The following MYO16 variants were observed in gnomAD, a reference collection of about 807,000 sequenced individuals.
MYO16 encodes the protein myosin XVI.
In MYO16, 94 loss-of-function variants were observed where a neutral mutation model predicts 205.3. The observed-to-expected ratio is 0.46, with a 90% CI of 0.39 to 0.54. The LOEUF is 0.54. Among genes scored for constraint, MYO16 ranks in the 20% least tolerant of loss-of-function variants. The probability of loss-of-function intolerance (pLI) is 0.00; values close to 1 mark genes in which losing one functional copy is unlikely to be tolerated. For synonymous variants in MYO16, 988 were observed against 954.0 expected, an observed-to-expected ratio of 1.04 and a Z score of -0.66; for missense variants, 2,315 against 2,387.5, an observed-to-expected ratio of 0.97 and a Z score of 0.63.
the MYO16 span, among the ~76,000 whole-genome samples, chr13:108,555,516 A>G: frequency 6.6e-6 from 1 of 152,222 alleles, no homozygotes; most frequent in Non-Finnish European, 1.5e-5. Context: ...AAAGCACAAG[A>G]AAAATATGCA....
chr13:108,984,427 G>A (rs961893494), intron 20 of MYO16, among the ~76,000 whole-genome samples: 4 of 152,162 alleles, frequency 2.6e-5, no homozygotes, highest in South Asian at 2.1e-4. Context: ...TACATTTGCC[G>A]TGGCTTTCTC....
chr13:108,838,349 C>G (rs1877036681), intron 9 of MYO16, among the ~76,000 whole-genome samples: 1 of 151,790 alleles, frequency 6.6e-6, no homozygotes, highest in East Asian at 1.9e-4. Context: ...ATAGTTCACT[C>G]AAATTATAAA....
At chr13:108,963,496 A>G (rs1377433091) in intron 19 of MYO16, among the ~76,000 whole-genome samples, 2 of 152,054 alleles carry the variant, frequency 1.3e-5, no homozygotes, top group Non-Finnish European at 1.5e-5. Context: ...TGAATTTATC[A>G]TTCTTTCCCT....
At chr13:108,886,708 C>G (rs1377191683) in intron 13 of MYO16, among the ~76,000 whole-genome samples, 1 of 151,950 alleles carries the variant, frequency 6.6e-6, no homozygotes, top group African/African-American at 2.4e-5. Context: ...TTAGGCAAAG[C>G]CCCCTGTGCA....
At chr13:108,990,944 C>G (rs142492804) in intron 20 of MYO16, among the ~76,000 whole-genome samples, 1 of 152,008 alleles carries the variant, frequency 6.6e-6, no homozygotes, top group South Asian at 2.1e-4. Flanking sequence ...TTTGTTCTGC[C>G]GTTTGGAAAA....
At chr13:108,910,864 G>A (rs1433140735) in intron 16 of MYO16, among the ~76,000 whole-genome samples, 2 of 152,136 alleles carry the variant, frequency 1.3e-5, no homozygotes, top group Non-Finnish European at 2.9e-5. Flanking sequence ...TTCAGTGGCG[G>A]TGGGGGGCGG....
chr13:108,909,432 C>T lies in MYO16; in HGVS notation c.1778-571C>T, dbSNP rs182721484. On this transcript the variant is annotated intron_variant, in intron 15 of 34. Coordinates refer to ENST00000457511, the MANE Select transcript of MYO16 (RefSeq NM_001198950.3). ...TAATAGACACCTCATCTACCTCATC[C>T]TCAAATACATTATGTGTATTAAACT... is the stretch of plus-strand genomic sequence containing the variant. Among the ~76,000 whole-genome samples the T allele has an allele frequency of 1.8e-3, 269 of 152,228 alleles. 2 individuals carry two copies. The highest frequency in any genetic ancestry group is 5.9e-3 in the African/African-American group (247 of 41,544).
chr13:109,149,251 T>C (rs184571506), intron 32 of MYO16, among the ~76,000 whole-genome samples: 125 of 152,348 alleles, frequency 8.2e-4, no homozygotes, highest in Non-Finnish European at 1.5e-3. Context: ...TGTGACGTGT[T>C]AATGGCATCC....
At chr13:108,764,078 G>T (rs1251601317) in intron 4 of MYO16, among the ~76,000 whole-genome samples, 1 of 152,074 alleles carries the variant, frequency 6.6e-6, no homozygotes, top group Non-Finnish European at 1.5e-5. Context: ...TCCAGGAGAA[G>T]CTAGCCATTC....
Position 109,142,421 on chromosome 13 carries a change from G to A in MYO16, c.5164+1045G>A, listed in dbSNP as rs572713328. On this transcript the variant is annotated intron_variant, in intron 32 of 34. Transcript: ENST00000457511. The stretch of plus-strand genomic sequence containing the variant: ...GCCTCCAGGTGAGGCAGGAGGATAG[G>A]GTCTGGAGGCAGGGAACCTAAGGCC... Among the ~76,000 whole-genome samples the A allele has an allele frequency of 2.2e-3, 333 of 151,544 alleles. 5 individuals carry two copies. The highest frequency in any genetic ancestry group is 3.1e-3 in the Non-Finnish European group (209 of 68,002).
chr13:108,565,299 T>C, the MYO16 span, among the ~76,000 whole-genome samples: 7 of 152,338 alleles, frequency 4.6e-5, no homozygotes, highest in African/African-American at 1.7e-4. Flanking sequence ...ATATTAATTA[T>C]TGCAATCCAT....
intron 27 of MYO16, among the ~76,000 whole-genome samples, chr13:109,089,960 G>A (rs990774851): frequency 2.6e-5 from 4 of 152,204 alleles, no homozygotes; most frequent in East Asian, 1.9e-4. Flanking sequence ...CTGGGGCTGC[G>A]AGGCAGCCCT....
chr13:108,948,737 T>C (rs867478245), intron 16 of MYO16, among the ~76,000 whole-genome samples: 3 of 152,384 alleles, frequency 2.0e-5, no homozygotes, highest in Middle Eastern at 3.4e-3. Flanking sequence ...ATCTCCAGTG[T>C]GGACTCCTCT....
At chr13:108,666,672 C>A (rs1881746885) in intron 2 of MYO16, among the ~76,000 whole-genome samples, 1 of 152,134 alleles carries the variant, frequency 6.6e-6, no homozygotes, top group Non-Finnish European at 1.5e-5. Context: ...TTGATAGATG[C>A]AGCAGTAATG....
At chr13:108,522,983 A>G in the MYO16 span, among the ~76,000 whole-genome samples, 1 of 152,190 alleles carries the variant, frequency 6.6e-6, no homozygotes, top group Non-Finnish European at 1.5e-5. Context: ...TTCAATCCAT[A>G]ACAAAAAATG....
At chr13:108,962,158 A>G (rs993940494) in intron 18 of MYO16, among the ~76,000 whole-genome samples, 5 of 152,202 alleles carry the variant, frequency 3.3e-5, no homozygotes, top group Non-Finnish European at 7.3e-5. Flanking sequence ...ACCTGGAAAA[A>G]AACAATTCCA....
At chr13:108,695,179 TTTGAG>T (rs1359944513) in intron 2 of MYO16, among the ~76,000 whole-genome samples, 1 of 152,306 alleles carries the variant, frequency 6.6e-6, no homozygotes, top group African/African-American at 2.4e-5. Flanking sequence ...CTTCATCCTC[TTTGAG>T]TTATTAGTTT....
Position 109,206,731 on chromosome 13 carries a change from C to G in MYO16, c.5538C>G (p.Pro1846=). 1 of 1,614,190 alleles carries G rather than the reference C, an allele frequency of 6.2e-7. No individual in the cohort carries two copies. The highest frequency in any genetic ancestry group is 1.3e-5 in the African/African-American group (1 of 75,060). Residue 1846 remains proline (P), a synonymous_variant, in exon 35 of 35, where the codon CCC becomes CCG. Transcript: ENST00000457511. ...DWQQILHHAE[P]RVPPPPPCKK... is the part of the protein sequence containing the mutation. Reference sequence around the variant, plus strand: ...AGCAGATCCTGCACCACGCTGAGCCCAGGGTGCCTCCCCCACCACCTTGCA... The same window carrying G: ...AGCAGATCCTGCACCACGCTGAGCCGAGGGTGCCTCCCCCACCACCTTGCA...
chr13:109,101,675 G>A (rs1329539494), intron 28 of MYO16: 1 of 152,164 alleles, frequency 6.6e-6, no homozygotes, highest in Non-Finnish European at 1.5e-5. Context: ...AAACCACGCA[G>A]TCCATGACAC....
Sources: gnomAD v4.1 joint callset for allele counts (sites outside exome capture counted in the v4.1 genomes callset) on GRCh38, gnomAD v4.1.1 for gene constraint, MANE v1.5 for transcripts, NCBI Gene and HGNC (gene_info 2026-07-23, HGNC 2026-07-21) for gene names.